Variants in SYS1 observed in about 807,000 individuals in gnomAD.
SYS1 encodes SYS1 golgi trafficking protein, also known as protein SYS1 homolog.
A neutral mutation model predicts 17.8 loss-of-function variants in SYS1; 8 were observed. The ratio of observed to expected loss-of-function variants is 0.45; its 90% CI spans 0.26 to 0.81. SYS1 has a LOEUF of 0.81. Among genes scored for constraint, SYS1 ranks in the 40% least tolerant of loss-of-function variants. The pLI, the probability that SYS1 is intolerant of heterozygous loss-of-function variation, is 0.16. For missense variants in SYS1, 161 were observed against 203.9 expected, an observed-to-expected ratio of 0.79 and a Z score of 1.28; for synonymous variants, 95 against 90.9, an observed-to-expected ratio of 1.05 and a Z score of -0.26.
chr20:45,372,283 G>T (rs762339125), downstream of SYS1, among the ~76,000 whole-genome samples: 1 of 152,344 alleles, frequency 6.6e-6, no homozygotes, highest in Middle Eastern at 3.4e-3. Flanking sequence ...CCCTGGCCAT[G>T]CTGGGTCCCC....
chr20:45,370,645 C>T (rs887366768), downstream of SYS1, among the ~76,000 whole-genome samples: 3 of 152,086 alleles, frequency 2.0e-5, no homozygotes, highest in Non-Finnish European at 4.4e-5. Context: ...CAAACAGTCT[C>T]CCCTGGACAG....
chr20:45,365,785 G>C, intron 3 of SYS1, 99 bp downstream of exon 3: 1 of 1,238,158 alleles, frequency 8.1e-7, no homozygotes, highest in Admixed American at 1.7e-5. Context: ...TGTTTCTGGG[G>C]AGTGGTGGAG....
exon 4 of SYS1, chr20:45,375,109 C>G (rs746467139): frequency 6.2e-7 from 1 of 1,614,082 alleles, no homozygotes; most frequent in Non-Finnish European, 8.5e-7. Context: ...CTTGACCCAA[C>G]GCAGGGTGGA....
At chr20:45,365,417 T>C in intron 2 of SYS1, 1 of 703,360 alleles carries the variant, frequency 1.4e-6, no homozygotes, top group Admixed American at 2.0e-5. Context: ...ATAATCCCTT[T>C]CCACCTGCTG....
chr20:45,365,338 C>G, intron 2 of SYS1: 1 of 506,336 alleles, frequency 2.0e-6, no homozygotes, highest in Admixed American at 2.7e-5. Context: ...CTAGACTTTA[C>G]TCTTGTTGTT....
At chr20:45,375,164 G>A (rs762774124) in exon 4 of SYS1, 1 of 1,614,032 alleles carries the variant, frequency 6.2e-7, no homozygotes, top group East Asian at 2.2e-5. Context: ...ATTCGTGTGG[G>A]CAGCCCCTCA....
downstream of SYS1, chr20:45,373,837 T>G: frequency 6.7e-7 from 1 of 1,495,866 alleles, no homozygotes; most frequent in South Asian, 1.1e-5. Flanking sequence ...GCCTCTTTCC[T>G]TCATCCTTCC....
chr20:45,372,948 C>T (rs1444348376), downstream of SYS1: 2 of 151,984 alleles, frequency 1.3e-5, no homozygotes, highest in Non-Finnish European at 2.9e-5. Context: ...GGGGGAGAGT[C>T]CATCCAATCG....
At chr20:45,372,061 C>G (rs965192135), downstream of SYS1, among the ~76,000 whole-genome samples, 2 of 152,196 alleles carry the variant, frequency 1.3e-5, no homozygotes, top group Non-Finnish European at 2.9e-5. Flanking sequence ...GCAGCCATTT[C>G]TAGGGTGGCC....
In SYS1 at chr20:45,365,655, A is replaced by G; in HGVS notation, c.199A>G (p.Met67Val). The G allele has an allele frequency of 1.2e-6, 2 of 1,614,068 alleles. No individual in the cohort carries two copies. Among genetic ancestry groups the G allele is most frequent in the Non-Finnish European group, 1.7e-6 (2 of 1,180,002 alleles). Residue 67 changes from methionine (M) to valine (V), a missense_variant, in exon 3 of 4, where the codon ATG (methionine) becomes GTG (valine). Coordinates refer to ENST00000243918, the MANE Select transcript of SYS1 (RefSeq NM_033542.4). Reference protein sequence around the residue: ...GFSTPPGRLSMMSFILNALTC... With the variant: ...GFSTPPGRLSVMSFILNALTC... ...TTCCACCCCTCCAGGCCGGCTCTCC[A>G]TGATGTCCTTCATCCTCAACGCCCT...
In SYS1 at chr20:45,366,992, G is replaced by A. The variant is rs1052002826; in HGVS notation, c.348G>A (p.Ala116=). Residue 116 remains alanine, a synonymous_variant, in exon 4 of 4, where the codon GCG becomes GCA. Transcript: ENST00000243918. The stretch of plus-strand genomic sequence containing the variant: ...TCTACAGCTCCCGTTTCCCCTCGGC[G>A]CTGACCTGGTGGCTGGTCCAAGCCG... ...CWFYSSRFPS[A]LTWWLVQAVC... is the part of the protein sequence containing the mutation. 1.3e-5 allele frequency: 21 copies of A among 1,614,202 alleles called. No individual in the cohort carries two copies. Among genetic ancestry groups the A allele is most frequent in the African/African-American group, 2.7e-5 (2 of 75,040 alleles).
At chr20:45,374,826 G>A in exon 4 of SYS1, 1 of 616,348 alleles carries the variant, frequency 1.6e-6, no homozygotes, top group East Asian at 2.8e-5. Context: ...TCTCCTAGCT[G>A]TATCCTGAGA....
chr20:45,367,131 A>G lies in SYS1; in HGVS notation c.*16A>G, dbSNP rs1159582906. ...CAATGTCTAGAATCAGGCCCTTTGGACATCCTGCTGACACTTGGGCCCCTT... is the reference window on the plus strand; with the variant it reads ...CAATGTCTAGAATCAGGCCCTTTGGGCATCCTGCTGACACTTGGGCCCCTT... On this transcript the variant is annotated 3_prime_UTR_variant, in exon 4 of 4. Coordinates refer to ENST00000243918, the MANE Select transcript of SYS1 (RefSeq NM_033542.4). 1.2e-6 allele frequency: 2 copies of G among 1,613,612 alleles called. No homozygotes were observed. Among genetic ancestry groups the G allele is most frequent in the Admixed American group, 1.7e-5 (1 of 60,012 alleles).
chr20:45,375,309 A>G (rs371198302), exon 4 of SYS1: 33 of 1,613,948 alleles, frequency 2.0e-5, no homozygotes, highest in South Asian at 4.4e-5. Context: ...GGTTCAAGCT[A>G]TCATCCCTCG....
chr20:45,376,585 A>T (rs1386637091), exon 4 of SYS1: 2 of 152,220 alleles, frequency 1.3e-5, no homozygotes, highest in Admixed American at 1.3e-4. Flanking sequence ...TTATCTGTAA[A>T]ACTAGGATAA....
chr20:45,367,947 G>A lies in SYS1; in HGVS notation c.*832G>A, dbSNP rs887123438. The A allele has an allele frequency of 2.1e-5, 21 of 985,392 alleles. No homozygotes were observed. The highest frequency in any genetic ancestry group is 2.5e-5 in the Non-Finnish European group (21 of 829,946). 61.0% of individuals were successfully genotyped at this position (985,392 alleles called of 1,614,324 possible). ...TATTTAGAATTCTTTGGCGGGAAGG[G>A]TATGATGGGTTCCCAGAGACAAGAA... On this transcript the variant is annotated 3_prime_UTR_variant, in exon 4 of 4. Transcript: ENST00000243918.
chr20:45,362,199 A>T (rs1038970508), upstream of SYS1, among the ~76,000 whole-genome samples: 1 of 152,182 alleles, frequency 6.6e-6, no homozygotes, highest in Non-Finnish European at 1.5e-5. Flanking sequence ...TCCACTGGAC[A>T]CCCACATTTT....
At chr20:45,373,152 T>C (rs1259632314), downstream of SYS1, 1 of 152,180 alleles carries the variant, frequency 6.6e-6, no homozygotes, top group East Asian at 1.9e-4. Flanking sequence ...CCCAACGGCA[T>C]GGTTAGGACC....
Position 45,363,670 on chromosome 20 carries a change from C to G in SYS1, c.139C>G (p.Leu47Val). The change falls in exon 2 of 4, where the codon CTG becomes GTG. Residue 47 changes from leucine (L) to valine (V), a missense_variant. Leu to Val is a conservative substitution (Grantham distance 32). Coordinates refer to ENST00000243918, the MANE Select transcript of SYS1 (RefSeq NM_033542.4). ...CGGGCTAGTGCGAAGCAGCCCCTCG[C>G]TGGACCAGATGTTCGACGCCGAGGT... ...VDGLVRSSPSLDQMFDAEILG... is the reference protein window; with the variant it reads ...VDGLVRSSPSVDQMFDAEILG... 1 of 1,572,022 alleles carries G rather than the reference C, an allele frequency of 6.4e-7. No individual in the cohort carries two copies. Among genetic ancestry groups the G allele is most frequent in the Non-Finnish European group, 8.6e-7 (1 of 1,160,428 alleles).
Sources: allele counts gnomAD v4.1 joint callset (sites outside exome capture counted in the v4.1 genomes callset), GRCh38; gene constraint gnomAD v4.1.1; transcripts MANE v1.5; gene names NCBI Gene and HGNC (gene_info 2026-07-23, HGNC 2026-07-21).